The following LHX9 variants were observed in gnomAD, a reference collection of about 807,000 sequenced individuals.
LHX9 encodes LIM/homeobox protein Lhx9.
A neutral mutation model predicts 36.5 loss-of-function variants in LHX9; 9 were observed. The ratio of observed to expected loss-of-function variants is 0.25; its 90% CI spans 0.15 to 0.43. The LOEUF (loss-of-function observed/expected upper bound fraction) is 0.43, where lower values mean the gene tolerates loss of function less well. Among genes scored for constraint, LHX9 ranks in the 20% least tolerant of loss-of-function variants. The probability of loss-of-function intolerance (pLI) is 1.00; values close to 1 mark genes in which losing one functional copy is unlikely to be tolerated. For missense variants in LHX9, 464 were observed against 526.4 expected (o/e 0.88, Z 1.16); for synonymous variants, 211 against 212.1 (o/e 0.99, Z 0.04).
chr1:197,931,305 A>C lies in LHX9; in HGVS notation c.*2046A>C, dbSNP rs1352094542. The stretch of plus-strand genomic sequence containing the variant: ...TAGTTGATAAATTCAATAATCTTAT[A>C]TATTGAGCTTCGTGTTTATAGTACA... On this transcript the variant is annotated 3_prime_UTR_variant, in exon 5 of 5. Transcript: ENST00000367387. The C allele has an allele frequency of 6.6e-6, 1 of 152,052 alleles. No individual in the cohort carries two copies. The highest frequency in any genetic ancestry group is 2.4e-5 in the African/African-American group (1 of 41,454). 9.4% of individuals were successfully genotyped at this position (152,052 alleles called of 1,614,324 possible).
chr1:197,923,274 C>T (rs776857546), intron 3 of LHX9, among the ~76,000 whole-genome samples: 5 of 152,252 alleles, frequency 3.3e-5, no homozygotes, highest in South Asian at 2.1e-4. Flanking sequence ...GGGCAGCGGG[C>T]GAAGCCCCGG....
At chr1:197,918,059 C>A (rs1659833700) in intron 1 of LHX9, 62 bp downstream of exon 1, 1 of 1,551,634 alleles carries the variant, frequency 6.4e-7, no homozygotes, top group Non-Finnish European at 8.7e-7. Flanking sequence ...TAAACCAAGC[C>A]GACTCCCTGG....
At chr1:197,912,632 T>TGC (rs1432682243), upstream of LHX9, 42 of 1,420,432 alleles carry the variant, frequency 3.0e-5, no homozygotes, top group East Asian at 9.6e-4. Context: ...TGAGTGTGTG[T>TGC]GCGTGTGTGT....
At position 197,930,497 on chromosome 1, in the gene LHX9, A is replaced by G. The variant is rs1660299964; in HGVS notation, c.*1238A>G. 1 of 151,994 alleles carries G rather than the reference A, an allele frequency of 6.6e-6. No individual in the cohort carries two copies. The highest frequency in any genetic ancestry group is 2.4e-5 in the African/African-American group (1 of 41,430). The allele number at this position is 151,994 out of a possible 1,614,324, so 9.4% of individuals were successfully genotyped here. On this transcript the variant is annotated 3_prime_UTR_variant, in exon 5 of 5. Coordinates refer to ENST00000367387, the MANE Select transcript of LHX9 (RefSeq NM_020204.3). ...ACGCTTCTGTTGTAGTTAAATACCAATTAGATTGTGGATTTCCTAAAAAAA... is the reference window on the plus strand; with the variant it reads ...ACGCTTCTGTTGTAGTTAAATACCAGTTAGATTGTGGATTTCCTAAAAAAA...
upstream of LHX9, chr1:197,917,218 T>A: frequency 8.4e-7 from 1 of 1,197,448 alleles, no homozygotes; most frequent in Non-Finnish European, 1.1e-6. Flanking sequence ...TTGTCCTGCT[T>A]GCCCATCACC....
Position 197,920,010 on chromosome 1 carries a change from C to A in LHX9, c.213C>A (p.Cys71Ter). 6.2e-7 allele frequency: 1 copy of A among 1,614,214 alleles called. No homozygotes were observed. ...TCAGCCCGGAGAAGCCCGCCCTGTG[C>A]GCCGGCTGCGGGGGCAAGATCTCGG... ...PPLSPEKPAL[C>*]AGCGGKISDR... is the part of the protein sequence containing the mutation. The change falls in exon 2 of 5, where the codon TGC becomes TGA. Residue 71 changes from cysteine to a stop codon, truncating the protein, a stop_gained. Transcript: ENST00000367387. LOFTEE classifies it high-confidence loss of function.
chr1:197,912,985 C>T, upstream of LHX9: 2 of 192,748 alleles, frequency 1.0e-5, no homozygotes, highest in Non-Finnish European at 2.1e-5. Context: ...TGGAAACTGG[C>T]TTCACCCACA....
intron 4 of LHX9, 126 bp downstream of exon 4, chr1:197,927,919 A>G: frequency 1.1e-6 from 1 of 905,828 alleles, no homozygotes; most frequent in Non-Finnish European, 1.7e-6. Context: ...TATCTTAGCT[A>G]TCTCCCTAGA....
rs764606159 is a variant in LHX9, at chr1:197,917,971, G to A, written c.148G>A (p.Gly50Ser). The A allele has an allele frequency of 6.2e-7, 1 of 1,613,804 alleles. No individual in the cohort carries two copies. Among genetic ancestry groups the A allele is most frequent in the Non-Finnish European group, 8.5e-7 (1 of 1,179,822 alleles). ...RSKTEARLAKGAQLNGRDAGM... is the reference protein window; with the variant it reads ...RSKTEARLAKSAQLNGRDAGM... ...CAAGACTGAGGCCCGTCTGGCCAAA[G>A]GCGCCCAGCTCAACGGCCGCGACGC... Residue 50 changes from glycine (G) to serine (S), a missense_variant, in exon 1 of 5, where the codon GGC becomes AGC. By Grantham distance (56) the Gly-to-Ser change is moderately conservative (BLOSUM62 0). This residue lies in a region of LHX9 where 119 missense variants were observed against 102.4 expected (regional missense o/e 1.16). Transcript: ENST00000367387.
intron 3 of LHX9, among the ~76,000 whole-genome samples, chr1:197,925,613 G>C (rs143955266): frequency 6.6e-6 from 1 of 152,252 alleles, no homozygotes; most frequent in Non-Finnish European, 1.5e-5. Flanking sequence ...GTAGGTCATA[G>C]AGATGCTGTT....
At position 197,927,609 on chromosome 1, in the gene LHX9, C is replaced by T. The variant is rs1427465369; in HGVS notation, c.752C>T (p.Ala251Val). The change falls in exon 4 of 5, where the codon GCA becomes GTA. Residue 251 changes from alanine (A) to valine (V), a missense_variant. Physicochemically the swap from Ala to Val is moderately conservative, Grantham distance 64. Transcript: ENST00000367387. ...NYNSGCNENE[A>V]DHLDRDQQPY... The stretch of plus-strand genomic sequence containing the variant: ...GCAACAGGTTGTAATGAGAATGAGG[C>T]AGACCACTTGGACCGGGACCAGCAG... The T allele has an allele frequency of 1.2e-6, 2 of 1,614,142 alleles. No homozygotes were observed. The highest frequency in any genetic ancestry group is 2.2e-5 in the East Asian group (1 of 44,882).
intron 3 of LHX9, among the ~76,000 whole-genome samples, 161 bp from the exon 4 acceptor site, chr1:197,927,430 C>G (rs1660177100): frequency 6.6e-6 from 1 of 152,176 alleles, no homozygotes. Context: ...CTTACTTTAG[C>G]AATTATCTTC....
At position 197,934,218 on chromosome 1, in the gene LHX9, A is replaced by G. The variant is rs1215168861; in HGVS notation, c.*4959A>G. 2 of 151,898 alleles carry G rather than the reference A, an allele frequency of 1.3e-5. No individual in the cohort carries two copies. Among genetic ancestry groups the G allele is most frequent in the Non-Finnish European group, 2.9e-5 (2 of 67,914 alleles). 9.4% of individuals were successfully genotyped at this position (151,898 alleles called of 1,614,324 possible). A position where few individuals can be genotyped will look rare whatever the true frequency, so the allele number is the denominator to read the frequency against. On this transcript the variant is annotated 3_prime_UTR_variant, in exon 5 of 5. Coordinates refer to ENST00000367387, the MANE Select transcript of LHX9 (RefSeq NM_020204.3). ...GCAAAATCCCAGTGGAATCTACCAC[A>G]CATTCTTTTATAATAACCCTTTTTT...
At position 197,921,201 on chromosome 1, in the gene LHX9, A is replaced by C. The variant is rs1241767189; in HGVS notation, c.378-103A>C. The C allele has an allele frequency of 1.2e-6, 1 of 842,652 alleles. No individual in the cohort carries two copies. The highest frequency in any genetic ancestry group is 2.6e-5 in the East Asian group (1 of 38,400). 52.2% of individuals were successfully genotyped at this position (842,652 alleles called of 1,614,324 possible). A position where few individuals can be genotyped will look rare whatever the true frequency, so the allele number is the denominator to read the frequency against. ...TCTCCTGTCCCCCTGGAACCCTCCC[A>C]GGTCCCAGTCTCAGGCCACTGCAGA... On this transcript the variant is annotated intron_variant, in intron 2 of 4. Transcript: ENST00000367387. The surrounding 1 kb of genome is among the most constrained non-coding windows in gnomAD (Gnocchi z 4.6).
At chr1:197,922,026 C>A (rs1482031720) in intron 3 of LHX9, among the ~76,000 whole-genome samples, 1 of 151,180 alleles carries the variant, frequency 6.6e-6, no homozygotes. Flanking sequence ...AATTATAGAT[C>A]CTGTAGGAGG....
At position 197,931,836 on chromosome 1, in the gene LHX9, T is replaced by G. The variant is rs1418515517; in HGVS notation, c.*2577T>G. The G allele has an allele frequency of 1.1e-6, 1 of 928,506 alleles. No individual in the cohort carries two copies. Among genetic ancestry groups the G allele is most frequent in the South Asian group, 1.5e-5 (1 of 66,934 alleles). The allele number at this position is 928,506 out of a possible 1,614,324, so 57.5% of individuals were successfully genotyped here. A position where few individuals can be genotyped will look rare whatever the true frequency, so the allele number is the denominator to read the frequency against. On this transcript the variant is annotated 3_prime_UTR_variant, in exon 5 of 5. Transcript: ENST00000367387. Reference sequence around the variant, plus strand: ...TAGGTCTATTGAGCACAAATGGATATTTGTAAATCTAAATAGAAATTGCAG... The same window carrying G: ...TAGGTCTATTGAGCACAAATGGATAGTTGTAAATCTAAATAGAAATTGCAG...
chr1:197,929,200 A>C lies in LHX9; in HGVS notation c.1135A>C (p.Asn379His), dbSNP rs1660248669. The C allele has an allele frequency of 6.4e-7, 1 of 1,572,040 alleles. No individual in the cohort carries two copies. Among genetic ancestry groups the C allele is most frequent in the African/African-American group, 1.4e-5 (1 of 73,496 alleles). ...CACTGTAGTGACATCCGTGACCTCT[A>C]ACATGGACAGCCACGAATCCGGAAG... ...TITVVTSVTSNMDSHESGSPS... is the reference protein window; with the variant it reads ...TITVVTSVTSHMDSHESGSPS... Residue 379 changes from asparagine (N) to histidine (H), a missense_variant, in exon 5 of 5, where the codon AAC becomes CAC. By Grantham distance (68) the Asn-to-His change is moderately conservative. Around this residue, in one of 5 missense-constraint regions of LHX9, gnomAD observed 102 missense variants for 97.0 expected, o/e 1.05. Transcript: ENST00000367387.
chr1:197,934,141 T>G lies in LHX9; in HGVS notation c.*4882T>G, dbSNP rs1434506936. 1 of 152,212 alleles carries G rather than the reference T, an allele frequency of 6.6e-6. No individual in the cohort carries two copies. Among genetic ancestry groups the G allele is most frequent in the Non-Finnish European group, 1.5e-5 (1 of 68,034 alleles). 9.4% of individuals were successfully genotyped at this position (152,212 alleles called of 1,614,324 possible). A position where few individuals can be genotyped will look rare whatever the true frequency, so the allele number is the denominator to read the frequency against. On this transcript the variant is annotated 3_prime_UTR_variant, in exon 5 of 5. Coordinates refer to ENST00000367387, the MANE Select transcript of LHX9 (RefSeq NM_020204.3). The stretch of plus-strand genomic sequence containing the variant: ...ATAATAAAGGACCCAAAGCAAATAC[T>G]TTTAAAACTTAGGTGATTTTTCATC...
rs568090705 is a variant in LHX9 at position 197,922,924 on chromosome 1, G to A, written c.733+1265G>A. Among the ~76,000 whole-genome samples, 5 of 152,334 alleles carry A rather than the reference G, an allele frequency of 3.3e-5. No individual in the cohort carries two copies. In the East Asian group the frequency reaches 7.7e-4, roughly 24 times the overall value. Reference sequence around the variant, plus strand: ...AATGGTAAAGAACAGTGTCCAGCCAGTTAAGTGATTTGCCCAAGATCACAC... The same window carrying A: ...AATGGTAAAGAACAGTGTCCAGCCAATTAAGTGATTTGCCCAAGATCACAC... On this transcript the variant is annotated intron_variant, in intron 3 of 4. Transcript: ENST00000367387.
Sources: gnomAD v4.1 joint callset for allele counts (sites outside exome capture counted in the v4.1 genomes callset) on GRCh38, gnomAD v4.1.1 for gene constraint, gnomAD v4.1.1 regional missense constraint, Gnocchi (gnomAD v3.1) non-coding constraint, MANE v1.5 for transcripts, NCBI Gene and HGNC (gene_info 2026-07-23, HGNC 2026-07-21) for gene names.